GLB1: variants seen among roughly 807,000 people sequenced by gnomAD.
GLB1 encodes the protein galactosidase beta 1, also known as beta-galactosidase.
Under a neutral mutation model 74.0 loss-of-function variants are expected in GLB1, and 56 were observed. The ratio of observed to expected loss-of-function variants is 0.76; its 90% CI spans 0.61 to 0.94. GLB1 has a LOEUF of 0.94. Among genes scored for constraint, GLB1 ranks in the 40% least tolerant of loss-of-function variants. The probability of loss-of-function intolerance (pLI) is 0.00; values close to 1 mark genes in which losing one functional copy is unlikely to be tolerated. For synonymous variants in GLB1, 323 were observed against 323.6 expected (o/e 1.00, Z 0.02); for missense variants, 787 against 845.5 (o/e 0.93, Z 0.86).
chr3:32,982,641 G>C, the GLB1 span, among the ~76,000 whole-genome samples: 1 of 151,954 alleles, frequency 6.6e-6, no homozygotes, highest in African/African-American at 2.4e-5. Flanking sequence ...AATCTTATGA[G>C]GTCCAATAAC....
intron 1 of GLB1, among the ~76,000 whole-genome samples, chr3:33,094,477 T>C (rs1470823878): frequency 6.6e-6 from 1 of 152,270 alleles, no homozygotes; most frequent in Non-Finnish European, 1.5e-5. Context: ...CATTGTGACA[T>C]GATGGGCAGT....
chr3:32,996,975 T>A lies in GLB1; in HGVS notation c.*70A>T. The A allele has an allele frequency of 1.2e-6, 2 of 1,612,402 alleles. No individual in the cohort carries two copies. Among genetic ancestry groups the A allele is most frequent in the Non-Finnish European group, 1.7e-6 (2 of 1,179,304 alleles). On this transcript the variant is annotated 3_prime_UTR_variant, in exon 16 of 16. Coordinates refer to ENST00000307363, the MANE Select transcript of GLB1 (RefSeq NM_000404.4). Reference sequence around the variant, plus strand: ...CATTTCCACATTCCAATCAGTGAAATGTGGCATGACAGGGAGGATCTGTGA... The same window carrying A: ...CATTTCCACATTCCAATCAGTGAAAAGTGGCATGACAGGGAGGATCTGTGA...
chr3:33,090,897 G>A (rs1207985587), intron 1 of GLB1: 15 of 985,050 alleles, frequency 1.5e-5, no homozygotes, highest in Non-Finnish European at 1.8e-5. Flanking sequence ...TGGCATTCAA[G>A]AGAAAGAAAA....
chr3:33,087,566 T>A (rs1295304516), intron 1 of GLB1, among the ~76,000 whole-genome samples: 2 of 144,354 alleles, frequency 1.4e-5, no homozygotes, highest in Non-Finnish European at 3.0e-5. Flanking sequence ...CAAGACCATG[T>A]CTCAGCATGC....
intron 4 of GLB1, 124 bp downstream of exon 4, chr3:33,068,106 C>T (rs1434127000): frequency 1.2e-5 from 17 of 1,412,786 alleles, no homozygotes; most frequent in Admixed American, 1.7e-5. Context: ...AGCCTGGTCT[C>T]GAACTCCCAA....
chr3:32,990,368 C>T, the GLB1 span, among the ~76,000 whole-genome samples: 2 of 152,174 alleles, frequency 1.3e-5, no homozygotes, highest in African/African-American at 4.8e-5. Context: ...TCATTGTCTA[C>T]CCCTCACAAG....
At chr3:33,068,408 T>G in intron 3 of GLB1, 118 bp from the exon 4 acceptor site, 1 of 1,369,396 alleles carries the variant, frequency 7.3e-7, no homozygotes, top group Non-Finnish European at 9.8e-7. Flanking sequence ...CAAGGGGTAT[T>G]TGAGCTGGGC....
chr3:32,964,707 G>A, the GLB1 span, among the ~76,000 whole-genome samples: 1 of 152,172 alleles, frequency 6.6e-6, no homozygotes, highest in Non-Finnish European at 1.5e-5. Flanking sequence ...ATTGATCCAA[G>A]AGAAATGAAA....
At chr3:33,025,380 T>C (rs867676825) in intron 10 of GLB1, among the ~76,000 whole-genome samples, 1 of 152,378 alleles carries the variant, frequency 6.6e-6, no homozygotes. Flanking sequence ...TATATGTGCA[T>C]GTATGTATAC....
At chr3:33,034,451 A>G in intron 10 of GLB1, 1 of 731,896 alleles carries the variant, frequency 1.4e-6, no homozygotes, top group Non-Finnish European at 2.5e-6. Context: ...TGGCCAGTGG[A>G]AGGAGAGCAG....
At chr3:32,977,276 G>A in the GLB1 span, among the ~76,000 whole-genome samples, 4 of 149,712 alleles carry the variant, frequency 2.7e-5, no homozygotes, top group African/African-American at 7.4e-5. Flanking sequence ...GCGCAATCTC[G>A]GCTCACTGCA....
chr3:33,029,613 T>C (rs1270111850), intron 10 of GLB1, among the ~76,000 whole-genome samples: 2 of 152,140 alleles, frequency 1.3e-5, no homozygotes, highest in African/African-American at 4.8e-5. Context: ...TGGAATACTA[T>C]GCAGCCATAA....
chr3:33,009,106 T>C (rs1696907027), intron 15 of GLB1, among the ~76,000 whole-genome samples: 2 of 129,000 alleles, frequency 1.6e-5, no homozygotes, highest in African/African-American at 3.2e-5. Context: ...GCAACAAGAA[T>C]GAAACTCCAT....
intron 13 of GLB1, among the ~76,000 whole-genome samples, chr3:33,017,712 T>C (rs564372996): frequency 2.3e-4 from 35 of 152,294 alleles, no homozygotes; most frequent in African/African-American, 7.5e-4. Context: ...CAGAATATAA[T>C]TTCTCATGTA....
At chr3:32,992,405 A>G (rs1343630247), downstream of GLB1, among the ~76,000 whole-genome samples, 1 of 152,180 alleles carries the variant, frequency 6.6e-6, no homozygotes, top group East Asian at 1.9e-4. Flanking sequence ...CTTGTCCCCC[A>G]GGTTTCCAGA....
chr3:33,073,194 C>T (rs1699950053), intron 1 of GLB1, among the ~76,000 whole-genome samples: 1 of 152,046 alleles, frequency 6.6e-6, no homozygotes, highest in Non-Finnish European at 1.5e-5. Context: ...AGCCTGACGC[C>T]CCATCCTAGA....
rs547301636 is a variant in GLB1 at position 33,053,867 on chromosome 3, G to T, written c.734-318C>A. On this transcript the variant is annotated intron_variant, in intron 6 of 15. Coordinates refer to ENST00000307363, the MANE Select transcript of GLB1 (RefSeq NM_000404.4). The stretch of plus-strand genomic sequence containing the variant: ...ATCTCTACTAAAAATACAAAAATTA[G>T]CCAGGCATGGTGGCACACACTTGTA... Among the ~76,000 whole-genome samples the T allele has an allele frequency of 2.7e-4, 41 of 152,142 alleles. No individual in the cohort carries two copies. In the South Asian group the frequency reaches 6.2e-3, roughly 23 times the overall value.
intron 1 of GLB1, chr3:33,096,315 A>C (rs1277317435): frequency 1.1e-6 from 1 of 897,860 alleles, no homozygotes; most frequent in Admixed American, 6.2e-5. Context: ...CTCTCCCACC[A>C]ACTGTGCACG....
chr3:33,001,239 C>A (rs1696556575), intron 15 of GLB1, among the ~76,000 whole-genome samples: 1 of 148,744 alleles, frequency 6.7e-6, no homozygotes, highest in Admixed American at 6.7e-5. Flanking sequence ...CTCTCTCACT[C>A]TTACATCTTG....
Sources: allele counts gnomAD v4.1 joint callset (sites outside exome capture counted in the v4.1 genomes callset), GRCh38; gene constraint gnomAD v4.1.1; transcripts MANE v1.5; gene names NCBI Gene and HGNC (gene_info 2026-07-23, HGNC 2026-07-21).